The following GLRA3 variants were observed in gnomAD, a reference collection of about 807,000 sequenced individuals.
GLRA3 encodes glycine receptor subunit alpha-3.
A neutral mutation model predicts 60.4 loss-of-function variants in GLRA3; 44 were observed. The observed-to-expected ratio is 0.73, with a 90% CI of 0.57 to 0.94. The LOEUF is 0.94. GLRA3 is among the 40% of genes least tolerant of loss of function. The probability of loss-of-function intolerance (pLI) is 0.00; values close to 1 mark genes in which losing one functional copy is unlikely to be tolerated. For missense variants in GLRA3, 508 were observed against 564.6 expected (o/e 0.90, Z 1.02); for synonymous variants, 223 against 192.9 (o/e 1.16, Z -1.29).
At chr4:174,747,496 T>C (rs17299164) in intron 3 of GLRA3, among the ~76,000 whole-genome samples, 3,119 of 152,178 alleles carry the variant, frequency 0.02, 48 homozygotes, top group Non-Finnish European at 0.036. Context: ...CAAGATCTTA[T>C]TTGAGTTTTA....
chr4:174,644,989 G>T (rs1732760657), intron 9 of GLRA3, among the ~76,000 whole-genome samples: 1 of 152,076 alleles, frequency 6.6e-6, no homozygotes, highest in Non-Finnish European at 1.5e-5. Context: ...GGCTACCAAT[G>T]AGTAATGGTT....
At chr4:174,752,127 A>G (rs1737511158) in intron 3 of GLRA3, among the ~76,000 whole-genome samples, 1 of 152,156 alleles carries the variant, frequency 6.6e-6, no homozygotes, top group South Asian at 2.1e-4. Flanking sequence ...GAAAAGAAGT[A>G]AAGTATATTT....
intron 4 of GLRA3, chr4:174,722,896 T>C (rs1176147308): frequency 6.0e-6 from 1 of 166,974 alleles, no homozygotes; most frequent in Non-Finnish European, 1.5e-5. Context: ...CAAAAACAAC[T>C]CAGAAAAAAT....
chr4:174,756,114 C>G (rs979655027), intron 3 of GLRA3, among the ~76,000 whole-genome samples: 1 of 152,050 alleles, frequency 6.6e-6, no homozygotes, highest in Non-Finnish European at 1.5e-5. Flanking sequence ...AACTTAAAAC[C>G]TTTACACAAA....
chr4:174,646,947 C>A (rs542569931), intron 9 of GLRA3, among the ~76,000 whole-genome samples: 14 of 152,234 alleles, frequency 9.2e-5, no homozygotes, highest in Admixed American at 7.2e-4. Flanking sequence ...CTGATCCAAT[C>A]CGGTTTTGAG....
At chr4:174,675,923 A>G (rs1734100583) in intron 7 of GLRA3, among the ~76,000 whole-genome samples, 1 of 152,140 alleles carries the variant, frequency 6.6e-6, no homozygotes, top group South Asian at 2.1e-4. Flanking sequence ...GGGAGCCATG[A>G]CAATAGATTT....
At chr4:174,823,498 C>T (rs1163665735) in intron 1 of GLRA3, among the ~76,000 whole-genome samples, 1 of 151,942 alleles carries the variant, frequency 6.6e-6, no homozygotes, top group Non-Finnish European at 1.5e-5. Flanking sequence ...GCACTCCAGC[C>T]TGGGCAACAG....
chr4:174,733,051 A>G (rs776249386), intron 3 of GLRA3, among the ~76,000 whole-genome samples: 121 of 152,318 alleles, frequency 7.9e-4, no homozygotes, highest in Admixed American at 1.2e-3. Flanking sequence ...GTAATTATAT[A>G]CCAAAAGAAA....
chr4:174,720,065 A>G (rs1296181394), intron 4 of GLRA3, among the ~76,000 whole-genome samples: 1 of 152,240 alleles, frequency 6.6e-6, no homozygotes, highest in Non-Finnish European at 1.5e-5. Context: ...GTTGCTATGC[A>G]TAGCATCTTT....
At chr4:174,813,839 C>G (rs931893691) in intron 1 of GLRA3, among the ~76,000 whole-genome samples, 5 of 152,178 alleles carry the variant, frequency 3.3e-5, no homozygotes, top group African/African-American at 1.2e-4. Context: ...CTAAGTATTT[C>G]CAAATCCGTT....
rs200486782 is a variant in GLRA3 at position 174,728,722 on chromosome 4, G to T, written c.268-24C>A. 4 of 1,218,392 alleles carry T rather than the reference G, an allele frequency of 3.3e-6. No homozygotes were observed. In the African/African-American group the frequency reaches 4.6e-5, roughly 14 times the overall value. The allele number at this position is 1,218,392 out of a possible 1,614,324, so 75.5% of individuals were successfully genotyped here. A position where few individuals can be genotyped will look rare whatever the true frequency, so the allele number is the denominator to read the frequency against. The stretch of plus-strand genomic sequence containing the variant: ...TCCTATGATAAAATAATGAAAGAAA[G>T]AAAAAAAAAAACCCTGCTTTAAAAA... On this transcript the variant is annotated intron_variant, in intron 3 of 9. Coordinates refer to ENST00000274093, the MANE Select transcript of GLRA3 (RefSeq NM_006529.4).
chr4:174,768,760 C>T (rs181404143), intron 2 of GLRA3, among the ~76,000 whole-genome samples: 450 of 152,242 alleles, frequency 3.0e-3, no homozygotes, highest in Non-Finnish European at 5.0e-3. Flanking sequence ...ACATTTAGAA[C>T]GTGAACCATT....
intron 1 of GLRA3, among the ~76,000 whole-genome samples, chr4:174,801,715 G>T (rs956607594): frequency 6.6e-5 from 10 of 151,914 alleles, no homozygotes; most frequent in Non-Finnish European, 1.0e-4. Flanking sequence ...TGCCTAAAGT[G>T]CTCATGGTCC....
chr4:174,696,078 C>T (rs1325921431), intron 5 of GLRA3, among the ~76,000 whole-genome samples: 2 of 151,804 alleles, frequency 1.3e-5, no homozygotes, highest in Non-Finnish European at 2.9e-5. Context: ...CAAAACACTC[C>T]TTAAAAAAAT....
intron 5 of GLRA3, among the ~76,000 whole-genome samples, chr4:174,715,123 G>A (rs750038750): frequency 6.6e-6 from 1 of 152,182 alleles, no homozygotes; most frequent in East Asian, 1.9e-4. Flanking sequence ...CAATATCTTT[G>A]TTGTCAGTAT....
chr4:174,640,249 G>A lies in GLRA3; in HGVS notation c.*3537C>T, dbSNP rs1313902374. The A allele has an allele frequency of 1.3e-5, 2 of 152,042 alleles. No individual in the cohort carries two copies. Among genetic ancestry groups the A allele is most frequent in the Non-Finnish European group, 2.9e-5 (2 of 67,944 alleles). The allele number at this position is 152,042 out of a possible 1,614,324, so 9.4% of individuals were successfully genotyped here. ...GTTCTCAGAGTTTTGTTCTTAGAGT[G>A]TTCTAAATTTTTAGGGGACACCTGT... is the stretch of plus-strand genomic sequence containing the variant. On this transcript the variant is annotated 3_prime_UTR_variant, in exon 10 of 10. Transcript: ENST00000274093.
rs1395361996 is a variant in GLRA3, at chr4:174,786,046, G to A, written c.199+2770C>T. ...AGCCTCCCAAAGTGCTGGGATTAGA[G>A]GCATGAGACCCATTCTTCTTTTAAA... On this transcript the variant is annotated intron_variant, in intron 2 of 9. Transcript: ENST00000274093. 3.3e-5 allele frequency among the ~76,000 whole-genome samples: 5 copies of A among 150,684 alleles called. No homozygotes were observed. The Admixed American group carries it at 3.3e-4, about 10-fold the overall frequency.
intron 1 of GLRA3, among the ~76,000 whole-genome samples, chr4:174,827,544 T>G (rs1741026695): frequency 6.6e-6 from 1 of 151,796 alleles, no homozygotes; most frequent in African/African-American, 2.4e-5. Flanking sequence ...TTATTACAAA[T>G]CAAATTTCTG....
rs749766998 is a variant in GLRA3, at chr4:174,828,755, T to C, written c.57A>G (p.Ala19=). The C allele has an allele frequency of 8.1e-6, 13 of 1,609,558 alleles. No homozygotes were observed. The African/African-American group carries it at 1.7e-4, about 22-fold the overall frequency. ...TLVSGFYFWE[A]ALLLSLVATK... is the part of the protein sequence containing the mutation. ...AGCGAACTCACCTGAGTAACAGTGCTGCTTCCCAGAAGTAAAATCCCGAAA... is the reference window on the plus strand; with the variant it reads ...AGCGAACTCACCTGAGTAACAGTGCCGCTTCCCAGAAGTAAAATCCCGAAA... Residue 19 remains alanine (A), a synonymous_variant, in exon 1 of 10, where the codon GCA becomes GCG. Transcript: ENST00000274093.
Sources: gnomAD v4.1 joint callset for allele counts (sites outside exome capture counted in the v4.1 genomes callset) on GRCh38, gnomAD v4.1.1 for gene constraint, MANE v1.5 for transcripts, NCBI Gene and HGNC (gene_info 2026-07-23, HGNC 2026-07-21) for gene names.